LHCGR: variants seen among roughly 807,000 people sequenced by gnomAD.
The protein encoded by LHCGR is lutropin-choriogonadotropic hormone receptor.
Under a neutral mutation model 60.7 loss-of-function variants are expected in LHCGR, and 55 were observed. That is an observed-to-expected ratio of 0.91 (90% CI 0.73 to 1.13). The LOEUF is 1.13. LHCGR is among the 50% of genes most tolerant of loss of function. LHCGR has a pLI of 0.00. For synonymous variants in LHCGR, 337 were observed against 316.5 expected, an observed-to-expected ratio of 1.06 and a Z score of -0.69; for missense variants, 862 against 836.0, an observed-to-expected ratio of 1.03 and a Z score of -0.38.
chr2:48,731,216 A>G lies in LHCGR; in HGVS notation c.233+11T>C. 3 of 1,569,578 alleles carry G rather than the reference A, an allele frequency of 1.9e-6. No individual in the cohort carries two copies. The South Asian group carries it at 3.3e-5, about 17-fold the overall frequency. On this transcript the variant is annotated intron_variant, in intron 2 of 10. Transcript: ENST00000294954. ...TTACGAATGTCTTTTGATATGCAGT[A>G]ACTTACTTACATTTTTATGACCTCA...
intron 1 of LHCGR, among the ~76,000 whole-genome samples, chr2:48,734,331 T>C (rs1669127132): frequency 6.6e-6 from 1 of 152,142 alleles, no homozygotes; most frequent in South Asian, 2.1e-4. Context: ...CTCCTGCACA[T>C]GAACATACAC....
At chr2:48,741,055 A>G (rs1669427776) in intron 1 of LHCGR, among the ~76,000 whole-genome samples, 2 of 152,258 alleles carry the variant, frequency 1.3e-5, no homozygotes, top group South Asian at 4.1e-4. Context: ...CAGAAGCCTC[A>G]GGAGCTGATG....
In LHCGR at chr2:48,698,696, C is replaced by T. The variant is rs763876123; in HGVS notation, c.785G>A (p.Arg262Lys). 1 of 1,614,160 alleles carries T rather than the reference C, an allele frequency of 6.2e-7. No homozygotes were observed. The highest frequency in any genetic ancestry group is 8.5e-7 in the Non-Finnish European group (1 of 1,180,008). The change falls in exon 9 of 11, where the codon AGA (arginine) becomes AAA (lysine). Residue 262 changes from arginine (R) to lysine (K), a missense_variant. Arg to Lys is a conservative substitution (Grantham distance 26, BLOSUM62 2). Transcript: ENST00000294954. The part of the protein sequence containing the change: ...SSYSLKKLPS[R>K]ETFVNLLEAT... ...CTCCAGGAGATTGACAAATGTTTCT[C>T]TTGATGGCAATTTTTTTAGAGAATA...
At chr2:48,695,831 C>T (rs1238398768) in intron 9 of LHCGR, among the ~76,000 whole-genome samples, 1 of 152,098 alleles carries the variant, frequency 6.6e-6, no homozygotes, top group Non-Finnish European at 1.5e-5. Flanking sequence ...GGGAGCTAAA[C>T]ACTGGGAACA....
intron 10 of LHCGR, among the ~76,000 whole-genome samples, chr2:48,692,579 G>A (rs1425984593): frequency 2.0e-5 from 3 of 152,186 alleles, no homozygotes; most frequent in African/African-American, 7.2e-5. Context: ...GCTATGTGGG[G>A]AGTATGAATG....
chr2:48,717,326 C>T (rs1487979103), intron 6 of LHCGR, among the ~76,000 whole-genome samples: 1 of 152,194 alleles, frequency 6.6e-6, no homozygotes, highest in Non-Finnish European at 1.5e-5. Flanking sequence ...GTTAAGTCTG[C>T]AGGCACTGAA....
At chr2:48,754,089 A>T (rs1670100776) in intron 1 of LHCGR, among the ~76,000 whole-genome samples, 1 of 152,152 alleles carries the variant, frequency 6.6e-6, no homozygotes, top group African/African-American at 2.4e-5. Context: ...GGCCTGTTGC[A>T]TGGATTTGTG....
At chr2:48,729,746 G>A (rs1428504199) in intron 2 of LHCGR, among the ~76,000 whole-genome samples, 1 of 152,172 alleles carries the variant, frequency 6.6e-6, no homozygotes, top group East Asian at 1.9e-4. Flanking sequence ...CCGTTGCAAG[G>A]TGGTCAACTC....
intron 10 of LHCGR, among the ~76,000 whole-genome samples, chr2:48,689,411 T>C (rs1680095453): frequency 6.6e-6 from 1 of 152,190 alleles, no homozygotes; most frequent in Non-Finnish European, 1.5e-5. Flanking sequence ...ACAAATGGAA[T>C]TGGAAGGCTC....
Position 48,698,679 on chromosome 2 carries a change from G to T in LHCGR, c.802C>A (p.Leu268Ile). 1 of 1,614,196 alleles carries T rather than the reference G, an allele frequency of 6.2e-7. No individual in the cohort carries two copies. Among genetic ancestry groups the T allele is most frequent in the Non-Finnish European group, 8.5e-7 (1 of 1,180,030 alleles). The part of the protein sequence containing the change: ...KLPSRETFVN[L>I]LEATLTYPSH... ...GGGTAAGTCAACGTGGCCTCCAGGA[G>T]ATTGACAAATGTTTCTCTTGATGGC... The change falls in exon 9 of 11, where the codon CTC becomes ATC. Residue 268 changes from leucine (L) to isoleucine (I), a missense_variant. Physicochemically the swap from Leu to Ile is conservative, Grantham distance 5 (BLOSUM62 2). Coordinates refer to ENST00000294954, the MANE Select transcript of LHCGR (RefSeq NM_000233.4).
intron 1 of LHCGR, chr2:48,732,774 C>T (rs1414520478): frequency 4.0e-6 from 2 of 501,826 alleles, no homozygotes; most frequent in African/African-American, 2.0e-5. Context: ...CCGTTCCTCC[C>T]TAGGTGCTAA....
At chr2:48,746,568 C>G (rs1669714823) in intron 1 of LHCGR, among the ~76,000 whole-genome samples, 1 of 152,212 alleles carries the variant, frequency 6.6e-6, no homozygotes, top group South Asian at 2.1e-4. Context: ...CTAAGACAGC[C>G]ATTCCGCAGC....
At chr2:48,754,569 C>G (rs1353929648) in intron 1 of LHCGR, among the ~76,000 whole-genome samples, 1 of 152,002 alleles carries the variant, frequency 6.6e-6, no homozygotes, top group Non-Finnish European at 1.5e-5. Context: ...ACTGTCTCTA[C>G]AATCTAATTT....
At chr2:48,714,853 A>C (rs1668170515) in intron 6 of LHCGR, among the ~76,000 whole-genome samples, 1 of 152,180 alleles carries the variant, frequency 6.6e-6, no homozygotes, top group South Asian at 2.1e-4. Context: ...AGGAGTCTAG[A>C]GGGAATCAAG....
intron 1 of LHCGR, among the ~76,000 whole-genome samples, chr2:48,742,054 A>C (rs1269976390): frequency 6.6e-6 from 1 of 152,172 alleles, no homozygotes; most frequent in Non-Finnish European, 1.5e-5. Context: ...AGTCTCTGAT[A>C]AAACAGACTT....
At chr2:48,718,571 A>AAGATATCTTTT (rs1445579673) in intron 6 of LHCGR, among the ~76,000 whole-genome samples, 2 of 152,208 alleles carry the variant, frequency 1.3e-5, no homozygotes, top group Non-Finnish European at 2.9e-5. Context: ...ACCGTTTTAG[A>AAGATATCTTTT]AGATATCTTT....
chr2:48,737,846 A>T lies in LHCGR; in HGVS notation c.162-6548T>A, dbSNP rs1669268052. ...AGGAGTCAGAGTGAAAGGGTTGCTT[A>T]CAAGTCATTTGGTCCAACCCCTCAC... is the stretch of plus-strand genomic sequence containing the variant. On this transcript the variant is annotated intron_variant, in intron 1 of 10. Coordinates refer to ENST00000294954, the MANE Select transcript of LHCGR (RefSeq NM_000233.4). Among the ~76,000 whole-genome samples the T allele has an allele frequency of 3.3e-5, 5 of 152,374 alleles. No individual in the cohort carries two copies. In the South Asian group the frequency reaches 8.3e-4, roughly 25 times the overall value.
rs547496507 is a variant in LHCGR, at chr2:48,714,166, A to G, written c.537-112T>C. The G allele has an allele frequency of 3.0e-4, 222 of 748,338 alleles. 3 individuals carry two copies. In the South Asian group the frequency reaches 3.1e-3, roughly 11 times the overall value. The allele number at this position is 748,338 out of a possible 1,614,324, so 46.4% of individuals were successfully genotyped here. A position where few individuals can be genotyped will look rare whatever the true frequency, so the allele number is the denominator to read the frequency against. ...ACTAAGGTTATTACAGGCATTCATAATATCTAGTTCTCCATCATCACCACC... is the reference window on the plus strand; with the variant it reads ...ACTAAGGTTATTACAGGCATTCATAGTATCTAGTTCTCCATCATCACCACC... On this transcript the variant is annotated intron_variant, in intron 6 of 10. Coordinates refer to ENST00000294954, the MANE Select transcript of LHCGR (RefSeq NM_000233.4).
At chr2:48,710,468 C>G (rs575216770) in intron 7 of LHCGR, among the ~76,000 whole-genome samples, 1 of 152,206 alleles carries the variant, frequency 6.6e-6, no homozygotes, top group Non-Finnish European at 1.5e-5. Flanking sequence ...TTTATTAAAA[C>G]TCAGATCTTT....
Sources: allele counts gnomAD v4.1 joint callset (sites outside exome capture counted in the v4.1 genomes callset), GRCh38; gene constraint gnomAD v4.1.1; transcripts MANE v1.5; gene names NCBI Gene and HGNC (gene_info 2026-07-23, HGNC 2026-07-21).